PTPRO: variants seen among roughly 807,000 people sequenced by gnomAD.
The protein encoded by PTPRO is protein tyrosine phosphatase receptor type O.
PTPRO carries 62 observed loss-of-function variants against 145.2 expected under a neutral mutation model. The ratio of observed to expected loss-of-function variants is 0.43; its 90% CI spans 0.35 to 0.53. The LOEUF (loss-of-function observed/expected upper bound fraction) is 0.53, where lower values mean the gene tolerates loss of function less well. Among genes scored for constraint, PTPRO ranks in the 20% least tolerant of loss-of-function variants. The pLI is 0.01. For synonymous variants in PTPRO, 565 were observed against 514.7 expected, an observed-to-expected ratio of 1.10 and a Z score of -1.32; for missense variants, 1,345 against 1,482.7, an observed-to-expected ratio of 0.91 and a Z score of 1.53.
chr12:15,500,455 T>C (rs1325821278), intron 4 of PTPRO, among the ~76,000 whole-genome samples: 1 of 152,196 alleles, frequency 6.6e-6, no homozygotes, highest in Non-Finnish European at 1.5e-5. Flanking sequence ...ACCTGGAAGT[T>C]GTTCTCAGTA....
chr12:15,440,425 A>C (rs1434160336), intron 1 of PTPRO: 1 of 253,174 alleles, frequency 3.9e-6, no homozygotes, highest in South Asian at 6.8e-5. Context: ...CAAGAAAAAT[A>C]AAGTGAATTA....
At chr12:15,582,099 C>T (rs961584918) in intron 23 of PTPRO, among the ~76,000 whole-genome samples, 5 of 152,254 alleles carry the variant, frequency 3.3e-5, no homozygotes, top group African/African-American at 1.2e-4. Flanking sequence ...TAGTTATCTG[C>T]AGCATGAACG....
At chr12:15,469,339 AC>A (rs202188740) in intron 1 of PTPRO, among the ~76,000 whole-genome samples, 2,918 of 152,314 alleles carry the variant, frequency 0.019, 48 homozygotes, top group Non-Finnish European at 0.028. Context: ...TGAAAATAAA[AC>A]TTGTTTCAGA....
chr12:15,373,089 A>G (rs1938579111), intron 1 of PTPRO, among the ~76,000 whole-genome samples: 1 of 152,210 alleles, frequency 6.6e-6, no homozygotes, highest in African/African-American at 2.4e-5. Flanking sequence ...AAATACATGG[A>G]AAAATTAAAG....
intron 1 of PTPRO, among the ~76,000 whole-genome samples, chr12:15,467,644 C>T (rs910301260): frequency 6.6e-6 from 1 of 152,174 alleles, no homozygotes; most frequent in Non-Finnish European, 1.5e-5. Context: ...CCTTCCTGCC[C>T]CTTGAGTTTT....
chr12:15,582,109 G>A (rs1944333696), intron 23 of PTPRO, among the ~76,000 whole-genome samples: 1 of 152,242 alleles, frequency 6.6e-6, no homozygotes, highest in Non-Finnish European at 1.5e-5. Context: ...CAGCATGAAC[G>A]TGTCCTTAAG....
intron 1 of PTPRO, among the ~76,000 whole-genome samples, chr12:15,402,542 T>C (rs1395809909): frequency 1.3e-5 from 2 of 152,204 alleles, no homozygotes; most frequent in African/African-American, 4.8e-5. Context: ...ATGTCTTAGA[T>C]CAGTGCTTCC....
intron 7 of PTPRO, 147 bp from the exon 8 acceptor site, chr12:15,515,351 T>C (rs1467325427): frequency 9.6e-6 from 10 of 1,042,870 alleles, no homozygotes; most frequent in Non-Finnish European, 1.4e-5. Context: ...ATCATCCTAA[T>C]TTTGGAATCT....
rs752125817 is a variant in PTPRO, at chr12:15,508,629, C to G, written c.1326C>G (p.His442Gln). ...AGAAGCCGCAGCACGTGAGTGTCCACGTTTTAAGCTCAACCACTGCCTTGA... is the reference window on the plus strand; with the variant it reads ...AGAAGCCGCAGCACGTGAGTGTCCAGGTTTTAAGCTCAACCACTGCCTTGA... ...LTEKPQHVSV[H>Q]VLSSTTALMS... Residue 442 changes from histidine (H) to glutamine (Q), a missense_variant, in exon 7 of 27, where the codon CAC becomes CAG. Coordinates refer to ENST00000281171, the MANE Select transcript of PTPRO (RefSeq NM_030667.3). The G allele has an allele frequency of 2.4e-5, 38 of 1,613,916 alleles. No individual in the cohort carries two copies. The Admixed American group carries it at 5.8e-4, about 25-fold the overall frequency.
intron 1 of PTPRO, among the ~76,000 whole-genome samples, chr12:15,371,485 G>A (rs1464766920): frequency 1.3e-5 from 2 of 151,888 alleles, no homozygotes; most frequent in African/African-American, 2.4e-5. Context: ...CACCTGCCTC[G>A]GCCTCCCAAA....
intron 10 of PTPRO, among the ~76,000 whole-genome samples, chr12:15,521,967 G>A (rs139083576): frequency 6.6e-6 from 1 of 152,296 alleles, no homozygotes; most frequent in East Asian, 1.9e-4. Context: ...TGTCACCAAT[G>A]TATTGATGTT....
In PTPRO at chr12:15,359,718, G is replaced by A. The variant is rs182819935; in HGVS notation, c.75+36917G>A. The stretch of plus-strand genomic sequence containing the variant: ...GCTGGAATTACAGGCAAGAGCCACC[G>A]CACCAGGCCATTGGATCTATTTTTC... On this transcript the variant is annotated intron_variant, in intron 1 of 26. Transcript: ENST00000281171. Among the ~76,000 whole-genome samples, 34 of 152,124 alleles carry A rather than the reference G, an allele frequency of 2.2e-4. No individual in the cohort carries two copies. In the East Asian group the frequency reaches 2.9e-3, roughly 13 times the overall value.
At chr12:15,550,876 G>C (rs893686139) in intron 14 of PTPRO, among the ~76,000 whole-genome samples, 1 of 152,150 alleles carries the variant, frequency 6.6e-6, no homozygotes, top group Non-Finnish European at 1.5e-5. Flanking sequence ...TGAAGAAGTA[G>C]ACAATGTGTA....
chr12:15,499,325 C>A (rs1406711453), intron 3 of PTPRO, 117 bp from the exon 4 acceptor site: 1 of 1,018,998 alleles, frequency 9.8e-7, no homozygotes, highest in East Asian at 2.5e-5. Flanking sequence ...CTGCCCATAA[C>A]AGTAGTTGAA....
intron 1 of PTPRO, among the ~76,000 whole-genome samples, chr12:15,372,218 A>G (rs1395623261): frequency 6.6e-6 from 1 of 152,136 alleles, no homozygotes; most frequent in East Asian, 1.9e-4. Flanking sequence ...TACCCTGAAA[A>G]TATTTTCTGC....
chr12:15,548,353 T>A (rs1207109323), intron 13 of PTPRO, among the ~76,000 whole-genome samples: 1 of 152,166 alleles, frequency 6.6e-6, no homozygotes, highest in Non-Finnish European at 1.5e-5. Context: ...TTGCAAAATG[T>A]CTGTAGAGAA....
chr12:15,477,536 T>C (rs981378747), intron 1 of PTPRO, among the ~76,000 whole-genome samples: 9 of 152,000 alleles, frequency 5.9e-5, no homozygotes, highest in African/African-American at 1.9e-4. Flanking sequence ...CACACTAAAG[T>C]AAGCTGATGA....
At chr12:15,476,238 G>A (rs1941650860) in intron 1 of PTPRO, among the ~76,000 whole-genome samples, 1 of 152,110 alleles carries the variant, frequency 6.6e-6, no homozygotes, top group Non-Finnish European at 1.5e-5. Context: ...GATGAGGCAG[G>A]AGATGTTGAG....
intron 1 of PTPRO, among the ~76,000 whole-genome samples, chr12:15,360,497 T>G (rs1041851969): frequency 2.6e-5 from 4 of 152,094 alleles, no homozygotes; most frequent in Non-Finnish European, 1.5e-5. Flanking sequence ...CCAAGTGCCA[T>G]GCAGGAACAA....
Sources: allele counts gnomAD v4.1 joint callset (sites outside exome capture counted in the v4.1 genomes callset), GRCh38; gene constraint gnomAD v4.1.1; transcripts MANE v1.5; gene names NCBI Gene and HGNC (gene_info 2026-07-23, HGNC 2026-07-21).